The following SV2C variants were observed in gnomAD, a reference collection of about 807,000 sequenced individuals.
SV2C encodes the protein synaptic vesicle glycoprotein 2C.
A neutral mutation model predicts 79.7 loss-of-function variants in SV2C; 49 were observed. That is an observed-to-expected ratio of 0.61 (90% CI 0.49 to 0.78). The LOEUF is 0.78. Ranked by LOEUF, SV2C falls within the 30% of genes least tolerant of loss-of-function variation. The pLI, the probability that SV2C is intolerant of heterozygous loss-of-function variation, is 0.00. For missense variants in SV2C, 833 were observed against 912.9 expected, an observed-to-expected ratio of 0.91 and a Z score of 1.13; for synonymous variants, 334 against 333.2, an observed-to-expected ratio of 1.00 and a Z score of -0.03.
the SV2C span, among the ~76,000 whole-genome samples, chr5:75,850,951 C>T: frequency 2.6e-5 from 4 of 152,278 alleles, no homozygotes; most frequent in African/African-American, 7.2e-5. Context: ...AGGAGGGCTA[C>T]GTGTCCTGTA....
intron 1 of SV2C, among the ~76,000 whole-genome samples, chr5:76,107,206 C>T (rs1399307217): frequency 6.6e-6 from 1 of 152,136 alleles, no homozygotes; most frequent in Non-Finnish European, 1.5e-5. Flanking sequence ...AACAACAAGT[C>T]AAAATATTCT....
At chr5:76,079,717 A>G (rs147712677), upstream of SV2C, 103 of 285,552 alleles carry the variant, frequency 3.6e-4, 1 homozygote, top group African/African-American at 2.0e-3. Context: ...ATGTCCCTTC[A>G]AACTTCGAAT....
At chr5:75,878,852 T>C in the SV2C span, among the ~76,000 whole-genome samples, 3 of 147,350 alleles carry the variant, frequency 2.0e-5, no homozygotes, top group Admixed American at 2.0e-4. Context: ...ATAATTTATA[T>C]TAAAAAAAAG....
At chr5:76,162,516 C>T (rs973090970) in intron 2 of SV2C, among the ~76,000 whole-genome samples, 1 of 152,190 alleles carries the variant, frequency 6.6e-6, no homozygotes. Context: ...TTAGTCCAGA[C>T]TCATTTGTTG....
chr5:76,055,775 C>T, the SV2C span, among the ~76,000 whole-genome samples: 1 of 152,170 alleles, frequency 6.6e-6, no homozygotes, highest in Admixed American at 6.5e-5. Flanking sequence ...AATGGGAGTT[C>T]ATTCATGATT....
rs199759329 is a variant in SV2C, at chr5:76,132,283, G to C, written c.533G>C (p.Ser178Thr). The C allele has an allele frequency of 2.7e-4, 436 of 1,613,946 alleles. No homozygotes were observed. Among genetic ancestry groups the C allele is most frequent in the South Asian group, 9.1e-4 (83 of 91,060 alleles). ...TTTGTCGTTGGCTTCGTGTTACCCAGTGCTGAGACAGACCTCTGCATCCCA... is the reference window on the plus strand; with the variant it reads ...TTTGTCGTTGGCTTCGTGTTACCCACTGCTGAGACAGACCTCTGCATCCCA... ...EVFVVGFVLP[S>T]AETDLCIPNS... is the part of the protein sequence containing the mutation. The change falls in exon 2 of 13, where the codon AGT (serine) becomes ACT (threonine). Residue 178 changes from serine (S) to threonine (T), a missense_variant. Physicochemically the swap from Ser to Thr is moderately conservative, Grantham distance 58 (BLOSUM62 1). Coordinates refer to ENST00000502798, the MANE Select transcript of SV2C (RefSeq NM_014979.4).
rs1168262981 is a variant in SV2C at position 76,121,690 on chromosome 5, G to A, written c.-101-9960G>A. The stretch of plus-strand genomic sequence containing the variant: ...GATCAGATAGTTGTAGATATGCGGC[G>A]TTATTTCTGAGGGCTCTGCTCTGTT... On this transcript the variant is annotated intron_variant, in intron 1 of 12. Transcript: ENST00000502798. Among the ~76,000 whole-genome samples the A allele has an allele frequency of 2.0e-3, 305 of 151,850 alleles. 1 individual carries two copies. The East Asian group carries it at 0.022, about 11-fold the overall frequency.
chr5:76,046,513 C>T, the SV2C span, among the ~76,000 whole-genome samples: 1,108 of 152,252 alleles, frequency 7.3e-3, 5 homozygotes, highest in Non-Finnish European at 0.011. Flanking sequence ...CGTATCCACA[C>T]GATTGTGTAA....
At chr5:76,083,181 G>C (rs932231360), upstream of SV2C, 22 of 152,356 alleles carry the variant, frequency 1.4e-4, no homozygotes, top group African/African-American at 5.3e-4. Context: ...CGACTTGCCG[G>C]AGCACCGCGA....
intron 4 of SV2C, among the ~76,000 whole-genome samples, chr5:76,225,009 C>T (rs1038430058): frequency 2.6e-5 from 4 of 152,174 alleles, no homozygotes; most frequent in African/African-American, 9.7e-5. Context: ...TCAAGAGAAT[C>T]CAAGGGGACA....
intron 4 of SV2C, among the ~76,000 whole-genome samples, chr5:76,232,943 A>G (rs1435873402): frequency 7.0e-6 from 1 of 142,186 alleles, no homozygotes; most frequent in East Asian, 1.9e-4. Flanking sequence ...GTTCCATATG[A>G]ACTTTCAAGT....
the SV2C span, among the ~76,000 whole-genome samples, chr5:75,927,964 G>C: frequency 6.6e-6 from 1 of 152,356 alleles, no homozygotes; most frequent in East Asian, 1.9e-4. Flanking sequence ...TTGAGGGAGA[G>C]AAGAGTGTAA....
At chr5:76,281,115 T>C (rs1747180301) in intron 4 of SV2C, 1 of 542,314 alleles carries the variant, frequency 1.8e-6, no homozygotes, top group East Asian at 5.3e-5. Flanking sequence ...AGAATTACCT[T>C]ATACAGATGA....
Position 76,087,050 on chromosome 5 carries a change from G to T in SV2C, c.-102+3538G>T, listed in dbSNP as rs535709987. Among the ~76,000 whole-genome samples, 17 of 152,256 alleles carry T rather than the reference G, an allele frequency of 1.1e-4. No individual in the cohort carries two copies. The South Asian group carries it at 3.5e-3, about 32-fold the overall frequency. On this transcript the variant is annotated intron_variant, in intron 1 of 12. Coordinates refer to ENST00000502798, the MANE Select transcript of SV2C (RefSeq NM_014979.4). Reference sequence around the variant, plus strand: ...ATATGATGAGTTATATTTTAAGTTTGAAGTTTGCTTATAAGTAGTATAGAA... The same window carrying T: ...ATATGATGAGTTATATTTTAAGTTTTAAGTTTGCTTATAAGTAGTATAGAA...
the SV2C span, among the ~76,000 whole-genome samples, chr5:75,890,892 C>G: frequency 2.0e-3 from 303 of 152,124 alleles, no homozygotes; most frequent in Middle Eastern, 3.4e-3. Flanking sequence ...TTAGGGAAAG[C>G]CTTCCCCTAC....
intron 2 of SV2C, among the ~76,000 whole-genome samples, chr5:76,189,349 T>C (rs1744026044): frequency 6.6e-6 from 1 of 152,068 alleles, no homozygotes; most frequent in African/African-American, 2.4e-5. Flanking sequence ...CTTCCTAGAA[T>C]TGACCTTAAG....
At chr5:76,029,877 C>T in the SV2C span, among the ~76,000 whole-genome samples, 1 of 152,176 alleles carries the variant, frequency 6.6e-6, no homozygotes, top group African/African-American at 2.4e-5. Context: ...TTAGTAAGAG[C>T]TCTGGGTACA....
intron 12 of SV2C, among the ~76,000 whole-genome samples, chr5:76,340,638 G>A (rs1466815867): frequency 2.0e-5 from 3 of 152,206 alleles, no homozygotes; most frequent in South Asian, 2.1e-4. Flanking sequence ...TAGCCTATCC[G>A]CAAAATGCCC....
intron 2 of SV2C, among the ~76,000 whole-genome samples, chr5:76,172,073 G>A (rs1453138829): frequency 6.1e-5 from 4 of 65,712 alleles, no homozygotes; most frequent in African/African-American, 2.1e-4. Context: ...GAAGTGAGGA[G>A]CCCCTCTGCC....
Sources: gnomAD v4.1 joint callset for allele counts (sites outside exome capture counted in the v4.1 genomes callset) on GRCh38, gnomAD v4.1.1 for gene constraint, MANE v1.5 for transcripts, NCBI Gene and HGNC (gene_info 2026-07-23, HGNC 2026-07-21) for gene names.